Variants in ADCY8 observed in about 807,000 individuals in gnomAD.
ADCY8 encodes adenylate cyclase type 8.
A neutral mutation model predicts 119.7 loss-of-function variants in ADCY8; 51 were observed. The observed-to-expected ratio is 0.43, with a 90% CI of 0.34 to 0.54. The LOEUF is 0.54. Ranked by LOEUF, ADCY8 falls within the 20% of genes least tolerant of loss-of-function variation. The probability of loss-of-function intolerance (pLI) is 0.03; values close to 1 mark genes in which losing one functional copy is unlikely to be tolerated. For synonymous variants in ADCY8, 665 were observed against 651.0 expected (o/e 1.02, Z -0.33); for missense variants, 1,383 against 1,598.8 (o/e 0.87, Z 2.30).
chr8:130,817,172 G>A (rs1349464682), intron 13 of ADCY8, among the ~76,000 whole-genome samples: 3 of 152,218 alleles, frequency 2.0e-5, no homozygotes, highest in Non-Finnish European at 2.9e-5. Flanking sequence ...TAAAGTAAAT[G>A]AGTAACTGTG....
chr8:130,824,459 A>G (rs1048593858), intron 12 of ADCY8, among the ~76,000 whole-genome samples: 1 of 152,184 alleles, frequency 6.6e-6, no homozygotes, highest in Non-Finnish European at 1.5e-5. Context: ...AGTAGCTACA[A>G]TGCCCTCCTC....
chr8:131,027,351 C>T (rs987732052), intron 1 of ADCY8, among the ~76,000 whole-genome samples: 6 of 152,180 alleles, frequency 3.9e-5, no homozygotes, highest in Non-Finnish European at 7.3e-5. Flanking sequence ...AAAACACACA[C>T]AGGCAGAAGC....
chr8:130,895,452 C>A (rs766524326), intron 7 of ADCY8, among the ~76,000 whole-genome samples: 9 of 152,142 alleles, frequency 5.9e-5, no homozygotes, highest in African/African-American at 2.2e-4. Flanking sequence ...ACCCCAGGAA[C>A]TTCAGAGAAA....
chr8:130,929,280 A>G (rs1035469272), intron 5 of ADCY8, among the ~76,000 whole-genome samples: 9 of 152,156 alleles, frequency 5.9e-5, no homozygotes, highest in Middle Eastern at 3.4e-3. Flanking sequence ...GCAGGTGTTT[A>G]TTATTGTAAA....
At chr8:130,890,874 A>C (rs1819161345) in intron 7 of ADCY8, among the ~76,000 whole-genome samples, 1 of 152,184 alleles carries the variant, frequency 6.6e-6, no homozygotes, top group South Asian at 2.1e-4. Flanking sequence ...GACAAGGCAG[A>C]TGTGGTAGTC....
At chr8:130,784,190 GTGTGTGGGTATGGGTATA>G (rs1007148845) in intron 16 of ADCY8, among the ~76,000 whole-genome samples, 2 of 151,940 alleles carry the variant, frequency 1.3e-5, no homozygotes, top group African/African-American at 4.8e-5. Flanking sequence ...GTATGGGTAT[GTGTGTGGGTATGGGTATA>G]TGTGTGGGTA....
chr8:130,858,083 A>G (rs1817806880), intron 9 of ADCY8, among the ~76,000 whole-genome samples: 2 of 152,178 alleles, frequency 1.3e-5, no homozygotes. Flanking sequence ...ATAGTGTTTG[A>G]TGGCATCCTT....
intron 4 of ADCY8, among the ~76,000 whole-genome samples, chr8:130,937,812 C>G (rs374576542): frequency 3.3e-5 from 5 of 152,056 alleles, no homozygotes; most frequent in African/African-American, 1.2e-4. Flanking sequence ...CAAACATTGT[C>G]CCTAACCCAA....
chr8:130,830,412 T>C (rs1030311696), intron 12 of ADCY8, among the ~76,000 whole-genome samples: 2 of 152,154 alleles, frequency 1.3e-5, no homozygotes, highest in African/African-American at 4.8e-5. Context: ...TCATACCTGA[T>C]TGAATTAATC....
At chr8:130,936,262 C>G (rs1820783981) in intron 5 of ADCY8, among the ~76,000 whole-genome samples, 1 of 152,090 alleles carries the variant, frequency 6.6e-6, no homozygotes, top group Non-Finnish European at 1.5e-5. Flanking sequence ...GTTCCAGAGT[C>G]CTCAACCCCA....
intron 5 of ADCY8, among the ~76,000 whole-genome samples, chr8:130,931,747 T>C (rs1169912879): frequency 1.3e-5 from 2 of 152,162 alleles, no homozygotes; most frequent in Admixed American, 1.3e-4. Flanking sequence ...GCAGTTTTCA[T>C]TTTGGTTATT....
intron 5 of ADCY8, among the ~76,000 whole-genome samples, chr8:130,919,834 T>G (rs985957980): frequency 6.6e-6 from 1 of 152,176 alleles, no homozygotes; most frequent in African/African-American, 2.4e-5. Context: ...CTCTGTGCTT[T>G]GTGTCTTGCT....
rs1824337505 is a variant in ADCY8, at chr8:131,040,213, CCGT to C, written c.118_120del (p.Thr40del). The C allele has an allele frequency of 2.0e-6, 3 of 1,537,930 alleles. No homozygotes were observed. The highest frequency in any genetic ancestry group is 2.6e-6 in the Non-Finnish European group (3 of 1,148,448). On this transcript the variant is annotated inframe_deletion, in exon 1 of 18. Transcript: ENST00000286355. ...CGCTGCTCCGTGATGTGTCGCACCG[CCGT>C]CTGCCACAGCAGCCGCTGCGGCCGG...
chr8:130,787,606 A>C (rs1001616369), intron 15 of ADCY8, among the ~76,000 whole-genome samples: 1 of 152,148 alleles, frequency 6.6e-6, no homozygotes, highest in Admixed American at 6.5e-5. Context: ...TGTACAGTAC[A>C]TGTGTAGTGA....
chr8:131,016,341 G>A (rs925040617), intron 1 of ADCY8, among the ~76,000 whole-genome samples: 1 of 152,000 alleles, frequency 6.6e-6, no homozygotes, highest in South Asian at 2.1e-4. Context: ...AGGCAATAGA[G>A]TAAGTAAAAA....
At chr8:130,801,020 T>C (rs1159089008) in intron 14 of ADCY8, among the ~76,000 whole-genome samples, 1 of 152,174 alleles carries the variant, frequency 6.6e-6, no homozygotes, top group Non-Finnish European at 1.5e-5. Context: ...CACCTCCTAA[T>C]ACCATCACCT....
intron 1 of ADCY8, among the ~76,000 whole-genome samples, chr8:131,002,956 T>C (rs1822997790): frequency 6.6e-6 from 1 of 152,158 alleles, no homozygotes; most frequent in Non-Finnish European, 1.5e-5. Flanking sequence ...ATCCCAGCAC[T>C]TTGGATGGCC....
intron 1 of ADCY8, among the ~76,000 whole-genome samples, chr8:130,993,682 T>A (rs1029915782): frequency 6.6e-6 from 1 of 152,222 alleles, no homozygotes; most frequent in South Asian, 2.1e-4. Flanking sequence ...CTGTCTTGCC[T>A]GCCACCATGT....
chr8:131,017,836 T>C (rs373172718), intron 1 of ADCY8, among the ~76,000 whole-genome samples: 1 of 147,926 alleles, frequency 6.8e-6, no homozygotes, highest in Non-Finnish European at 1.5e-5. Flanking sequence ...AAAAAAAAAA[T>C]CCCACTAGGA....
Sources: gnomAD v4.1 joint callset for allele counts (sites outside exome capture counted in the v4.1 genomes callset) on GRCh38, gnomAD v4.1.1 for gene constraint, MANE v1.5 for transcripts, NCBI Gene and HGNC (gene_info 2026-07-23, HGNC 2026-07-21) for gene names.